Variants in C8orf34 observed in about 807,000 individuals in gnomAD.
The protein encoded by C8orf34 is uncharacterized protein C8orf34.
Under a neutral mutation model 68.3 loss-of-function variants are expected in C8orf34, and 65 were observed. The ratio of observed to expected loss-of-function variants is 0.95; its 90% CI spans 0.78 to 1.17. C8orf34 has a LOEUF of 1.17. Ranked by LOEUF, C8orf34 falls within the 50% of genes most tolerant of loss-of-function variation. The probability of loss-of-function intolerance (pLI) is 0.00; values close to 1 mark genes in which losing one functional copy is unlikely to be tolerated. For synonymous variants in C8orf34, 244 were observed against 241.2 expected, an observed-to-expected ratio of 1.01 and a Z score of -0.11; for missense variants, 664 against 655.4, an observed-to-expected ratio of 1.01 and a Z score of -0.14.
intron 1 of C8orf34, among the ~76,000 whole-genome samples, chr8:68,408,174 C>T (rs1431460510): frequency 1.3e-5 from 2 of 151,874 alleles, no homozygotes; most frequent in Admixed American, 1.3e-4. Context: ...GTGAACTGTG[C>T]ATGTGAGGGA....
intron 7 of C8orf34, among the ~76,000 whole-genome samples, chr8:68,590,194 A>C (rs1335681204): frequency 1.4e-5 from 2 of 141,048 alleles, no homozygotes; most frequent in East Asian, 2.4e-4. Flanking sequence ...AAAGGAAGAG[A>C]GAAAGGGGGA....
intron 7 of C8orf34, among the ~76,000 whole-genome samples, chr8:68,590,905 GA>G (rs1294327827): frequency 6.6e-6 from 1 of 152,186 alleles, no homozygotes; most frequent in Non-Finnish European, 1.5e-5. Flanking sequence ...AGAGTTAGGA[GA>G]AGATGCTATA....
chr8:68,622,124 T>C (rs552101008), intron 7 of C8orf34, among the ~76,000 whole-genome samples: 3 of 152,342 alleles, frequency 2.0e-5, no homozygotes, highest in East Asian at 3.9e-4. Flanking sequence ...TAGCTGATCA[T>C]TGGCCAGAGG....
At chr8:68,783,835 T>G (rs1823765878) in intron 11 of C8orf34, among the ~76,000 whole-genome samples, 1 of 152,144 alleles carries the variant, frequency 6.6e-6, no homozygotes, top group African/African-American at 2.4e-5. Context: ...CAAAAAAAAC[T>G]TTCTAAATTA....
rs548182549 is a variant in C8orf34 at position 68,789,195 on chromosome 8, A to G, written c.1549+1659A>G. On this transcript the variant is annotated intron_variant, in intron 12 of 13. Transcript: ENST00000518698. ...AAATTTCATGTTAAAAAAAACCTTCAAGCACTGTGGGTGTGTATTGTATAA... is the reference window on the plus strand; with the variant it reads ...AAATTTCATGTTAAAAAAAACCTTCGAGCACTGTGGGTGTGTATTGTATAA... Among the ~76,000 whole-genome samples, 163 of 152,334 alleles carry G rather than the reference A, an allele frequency of 1.1e-3. 1 individual carries two copies. The highest frequency in any genetic ancestry group is 2.0e-3 in the Non-Finnish European group (133 of 68,030).
At position 68,439,435 on chromosome 8, in the gene C8orf34, A is replaced by G. The variant is rs1231820525; in HGVS notation, c.328-64A>G. On this transcript the variant is annotated intron_variant, in intron 1 of 13. Transcript: ENST00000518698. ...TACCTGACAATATTACATGCTAAGT[A>G]AGTGCTTGCTATTACTGTTGCTGTT... 4 of 1,494,030 alleles carry G rather than the reference A, an allele frequency of 2.7e-6. No individual in the cohort carries two copies. The Admixed American group carries it at 7.4e-5, about 28-fold the overall frequency. 92.5% of individuals were successfully genotyped at this position (1,494,030 alleles called of 1,614,324 possible).
intron 2 of C8orf34, among the ~76,000 whole-genome samples, chr8:68,441,278 T>C (rs1212771272): frequency 1.3e-5 from 2 of 152,120 alleles, no homozygotes; most frequent in African/African-American, 2.4e-5. Context: ...CCAAGCTCAT[T>C]TGGGTTGTTG....
At chr8:68,711,501 C>T (rs921873128) in intron 9 of C8orf34, among the ~76,000 whole-genome samples, 1 of 152,026 alleles carries the variant, frequency 6.6e-6, no homozygotes, top group Non-Finnish European at 1.5e-5. Context: ...ATCTAGGACA[C>T]ACTTAGAGAA....
intron 7 of C8orf34, among the ~76,000 whole-genome samples, chr8:68,536,873 T>C (rs552116890): frequency 1.8e-4 from 27 of 152,226 alleles, no homozygotes; most frequent in African/African-American, 6.5e-4. Flanking sequence ...GTACATTTTA[T>C]CTGTTTTAAA....
intron 6 of C8orf34, among the ~76,000 whole-genome samples, chr8:68,524,061 CT>C: frequency 6.6e-6 from 1 of 152,172 alleles, no homozygotes; most frequent in Non-Finnish European, 1.5e-5. Flanking sequence ...CATTTATAGT[CT>C]TATCTTTATT....
intron 1 of C8orf34, among the ~76,000 whole-genome samples, chr8:68,395,530 T>C (rs1808667517): frequency 6.6e-6 from 1 of 152,162 alleles, no homozygotes; most frequent in East Asian, 1.9e-4. Flanking sequence ...TTCTGTTTTA[T>C]ACTTCTTATT....
intron 5 of C8orf34, among the ~76,000 whole-genome samples, chr8:68,507,266 A>T (rs1013151801): frequency 6.6e-5 from 10 of 152,198 alleles, no homozygotes; most frequent in African/African-American, 2.4e-4. Flanking sequence ...TTGTAATTTT[A>T]TCTTAAATCC....
At chr8:68,420,911 A>C (rs1809939670) in intron 1 of C8orf34, among the ~76,000 whole-genome samples, 1 of 152,100 alleles carries the variant, frequency 6.6e-6, no homozygotes, top group African/African-American at 2.4e-5. Context: ...AGCAGAGTTG[A>C]TGCAGTGAGA....
intron 11 of C8orf34, among the ~76,000 whole-genome samples, chr8:68,778,772 T>C (rs981930772): frequency 2.6e-5 from 4 of 152,192 alleles, no homozygotes; most frequent in Admixed American, 2.0e-4. Context: ...AGTTTTTGGA[T>C]TATATTAACG....
At chr8:68,396,942 T>C (rs966273324) in intron 1 of C8orf34, among the ~76,000 whole-genome samples, 2 of 151,984 alleles carry the variant, frequency 1.3e-5, no homozygotes, top group Non-Finnish European at 2.9e-5. Flanking sequence ...TGTATTCCTT[T>C]ATAGCAACAC....
At chr8:68,416,735 T>G (rs1193629176) in intron 1 of C8orf34, among the ~76,000 whole-genome samples, 1 of 152,016 alleles carries the variant, frequency 6.6e-6, no homozygotes, top group East Asian at 1.9e-4. Flanking sequence ...TTCACCATGT[T>G]GGCCAGGCTT....
chr8:68,331,387 G>T lies in C8orf34; in HGVS notation c.327+48G>T, dbSNP rs924181170. 6 of 1,510,888 alleles carry T rather than the reference G, an allele frequency of 4.0e-6. No homozygotes were observed. The Admixed American group carries it at 5.9e-5, about 15-fold the overall frequency. The allele number at this position is 1,510,888 out of a possible 1,614,324, so 93.6% of individuals were successfully genotyped here. A position where few individuals can be genotyped will look rare whatever the true frequency, so the allele number is the denominator to read the frequency against. ...AGTCCCGTTGTCTTTAGGGGAAGGG[G>T]TGCAGTAATGAAAACAGAACACTCC... On this transcript the variant is annotated intron_variant, in intron 1 of 13. Transcript: ENST00000518698.
At chr8:68,490,758 C>T (rs75284677) in intron 5 of C8orf34, among the ~76,000 whole-genome samples, 2 of 151,938 alleles carry the variant, frequency 1.3e-5, no homozygotes, top group African/African-American at 4.8e-5. Context: ...TGCTAGATAA[C>T]AGAAAGGAGT....
At chr8:68,499,477 CA>C (rs1476549267) in intron 5 of C8orf34, among the ~76,000 whole-genome samples, 3 of 152,126 alleles carry the variant, frequency 2.0e-5, no homozygotes, top group African/African-American at 7.2e-5. Flanking sequence ...TACTGATATA[CA>C]TACAGCCGTA....
Sources: allele counts gnomAD v4.1 joint callset (sites outside exome capture counted in the v4.1 genomes callset), GRCh38; gene constraint gnomAD v4.1.1; transcripts MANE v1.5; gene names NCBI Gene and HGNC (gene_info 2026-07-23, HGNC 2026-07-21).